The following EYS variants were observed in gnomAD, a reference collection of about 807,000 sequenced individuals.
The protein encoded by EYS is EGF-like photoreceptor maintenance factor, also known as protein eyes shut homolog.
A neutral mutation model predicts 282.1 loss-of-function variants in EYS; 250 were observed. The ratio of observed to expected loss-of-function variants is 0.89; its 90% confidence interval spans 0.80 to 0.98. The LOEUF (loss-of-function observed/expected upper bound fraction) is 0.98, where lower values mean the gene tolerates loss of function less well. Among genes scored for constraint, EYS ranks in the 50% least tolerant of loss-of-function variants. The pLI, the probability that EYS is intolerant of heterozygous loss-of-function variation, is 0.00. For synonymous variants in EYS, 1,355 were observed against 1,282.9 expected, an observed-to-expected ratio of 1.06 and a Z score of -1.20; for missense variants, 4,016 against 3,709.0, an observed-to-expected ratio of 1.08 and a Z score of -2.15.
chr6:64,053,117 TTTTC>T (rs1227040537), intron 33 of EYS, among the ~76,000 whole-genome samples: 3 of 152,100 alleles, frequency 2.0e-5, no homozygotes, highest in Non-Finnish European at 4.4e-5. Context: ...AAAAATAACT[TTTTC>T]TACCCCCTTT....
intron 19 of EYS, among the ~76,000 whole-genome samples, chr6:64,838,052 T>A (rs1765441762): frequency 7.4e-6 from 1 of 134,670 alleles, no homozygotes; most frequent in Non-Finnish European, 1.6e-5. Flanking sequence ...ATAACCAATT[T>A]GTTTTAAAAT....
intron 36 of EYS, among the ~76,000 whole-genome samples, chr6:63,811,898 A>C (rs1406028851): frequency 6.6e-6 from 1 of 152,160 alleles, no homozygotes; most frequent in African/African-American, 2.4e-5. Context: ...CTTCATCTTC[A>C]AAATATATCC....
At chr6:65,368,910 A>C (rs1256857928) in intron 8 of EYS, among the ~76,000 whole-genome samples, 1 of 151,578 alleles carries the variant, frequency 6.6e-6, no homozygotes, top group Non-Finnish European at 1.5e-5. Context: ...ATAGAACAGG[A>C]CATGAATGAA....
At chr6:64,431,803 C>G (rs1256318500) in intron 28 of EYS, among the ~76,000 whole-genome samples, 1 of 151,986 alleles carries the variant, frequency 6.6e-6, no homozygotes, top group Non-Finnish European at 1.5e-5. Context: ...CTTTTGATAC[C>G]AGTACTTAAT....
At chr6:65,119,361 A>G (rs1229691247) in intron 12 of EYS, among the ~76,000 whole-genome samples, 1 of 152,158 alleles carries the variant, frequency 6.6e-6, no homozygotes, top group Non-Finnish European at 1.5e-5. Context: ...AGGCACAAGG[A>G]GCTACCACGT....
At chr6:64,133,042 TATC>T (rs1233825531) in intron 31 of EYS, among the ~76,000 whole-genome samples, 12 of 152,068 alleles carry the variant, frequency 7.9e-5, no homozygotes, top group African/African-American at 1.2e-4. Flanking sequence ...ACTTTTGTGT[TATC>T]ATTCTAAATC....
intron 37 of EYS, among the ~76,000 whole-genome samples, chr6:63,792,234 A>G (rs1330887776): frequency 2.6e-5 from 4 of 151,772 alleles, no homozygotes; most frequent in African/African-American, 9.7e-5. Flanking sequence ...CCAATCACCC[A>G]TCAAGCAGAT....
chr6:64,081,786 T>G, intron 32 of EYS, 70 bp downstream of exon 32: 6 of 1,213,452 alleles, frequency 4.9e-6, no homozygotes, highest in Non-Finnish European at 5.7e-6. Context: ...AATGAATAAA[T>G]CATTGATTCA....
At chr6:64,316,083 A>G (rs939423034) in intron 29 of EYS, among the ~76,000 whole-genome samples, 3 of 152,066 alleles carry the variant, frequency 2.0e-5, no homozygotes, top group African/African-American at 7.2e-5. Flanking sequence ...TAATAAGAGC[A>G]ATTAATGACA....
intron 2 of EYS, among the ~76,000 whole-genome samples, chr6:65,574,311 CA>C (rs1764582535): frequency 6.6e-6 from 1 of 152,034 alleles, no homozygotes; most frequent in Admixed American, 6.6e-5. Context: ...CAAGACTACA[CA>C]AAGACACGAT....
chr6:64,403,160 C>T lies in EYS; in HGVS notation c.5928-14320G>A, dbSNP rs1336342318. ...CAATTAAGCCACATCTAGTAATATT[C>T]CCTTGAGATAAAATATAGACTTTAT... On this transcript the variant is annotated intron_variant, in intron 28 of 42. Transcript: ENST00000503581. Among the ~76,000 whole-genome samples the T allele has an allele frequency of 2.0e-5, 3 of 151,574 alleles. No homozygotes were observed. The East Asian group carries it at 5.8e-4, about 29-fold the overall frequency.
At chr6:63,896,924 C>T (rs1773549929) in intron 35 of EYS, among the ~76,000 whole-genome samples, 1 of 152,128 alleles carries the variant, frequency 6.6e-6, no homozygotes, top group African/African-American at 2.4e-5. Context: ...GGATGTACCA[C>T]AGTTTATTCA....
chr6:63,807,216 T>A (rs978269336), intron 36 of EYS, among the ~76,000 whole-genome samples: 1 of 152,186 alleles, frequency 6.6e-6, no homozygotes, highest in African/African-American at 2.4e-5. Flanking sequence ...ACCCCATTCC[T>A]GTCTTTTATG....
intron 22 of EYS, among the ~76,000 whole-genome samples, chr6:64,729,874 T>C (rs941489526): frequency 6.6e-6 from 1 of 152,184 alleles, no homozygotes; most frequent in Non-Finnish European, 1.5e-5. Flanking sequence ...AAACTATTGG[T>C]TTAACTGGTA....
intron 31 of EYS, among the ~76,000 whole-genome samples, chr6:64,205,856 T>C (rs150134254): frequency 1.3e-5 from 2 of 149,070 alleles, no homozygotes; most frequent in Non-Finnish European, 3.0e-5. Context: ...TATATATATA[T>C]AGAGAGAGAG....
chr6:65,036,835 A>G (rs2150146874), intron 13 of EYS, among the ~76,000 whole-genome samples: 1 of 152,136 alleles, frequency 6.6e-6, no homozygotes, highest in Middle Eastern at 3.4e-3. Flanking sequence ...TTGTGGGGAA[A>G]AGGGAATATT....
chr6:65,601,635 A>G (rs1765620594), intron 2 of EYS, among the ~76,000 whole-genome samples: 1 of 151,998 alleles, frequency 6.6e-6, no homozygotes. Flanking sequence ...AGATGGAATA[A>G]TAGCTCAAAA....
chr6:65,684,257 G>C (rs539048438), intron 1 of EYS, among the ~76,000 whole-genome samples: 107 of 152,130 alleles, frequency 7.0e-4, no homozygotes, highest in African/African-American at 2.6e-3. Flanking sequence ...GCAGGATTTA[G>C]TTAAAAATAG....
At chr6:64,698,188 G>C (rs1198483300) in intron 22 of EYS, among the ~76,000 whole-genome samples, 1 of 152,076 alleles carries the variant, frequency 6.6e-6, no homozygotes, top group East Asian at 1.9e-4. Context: ...AGCAAAAGCA[G>C]TGCTAAGAGA....
Sources: gnomAD v4.1 joint callset for allele counts (sites outside exome capture counted in the v4.1 genomes callset) on GRCh38, gnomAD v4.1.1 for gene constraint, MANE v1.5 for transcripts, NCBI Gene and HGNC (gene_info 2026-07-23, HGNC 2026-07-21) for gene names.